PTPRU: variants seen among roughly 807,000 people sequenced by gnomAD.
PTPRU encodes the protein protein tyrosine phosphatase receptor type U.
Under a neutral mutation model 166.3 loss-of-function variants are expected in PTPRU, and 69 were observed. The ratio of observed to expected loss-of-function variants is 0.41; its 90% CI spans 0.34 to 0.51. The LOEUF is 0.51. PTPRU is among the 20% of genes least tolerant of loss of function. The pLI, the probability that PTPRU is intolerant of heterozygous loss-of-function variation, is 0.09. For missense variants in PTPRU, 1,657 were observed against 2,013.7 expected (o/e 0.82, Z 3.39); for synonymous variants, 793 against 814.0 (o/e 0.97, Z 0.44).
intron 1 of PTPRU, among the ~76,000 whole-genome samples, chr1:29,251,548 G>C (rs999663474): frequency 6.6e-6 from 1 of 152,226 alleles, no homozygotes; most frequent in Non-Finnish European, 1.5e-5. Context: ...ACTTGGATCA[G>C]TCTGGCTGGG....
rs958208749 is a variant in PTPRU, at chr1:29,290,480, T to C, written c.2319-1389T>C. On this transcript the variant is annotated intron_variant, in intron 14 of 29. Coordinates refer to ENST00000373779, the MANE Select transcript of PTPRU (RefSeq NM_133178.4). Reference sequence around the variant, plus strand: ...TGCTACTCTGTCTTCTCTCTCTGTCTTCTACTCTGCAAGCCTTCTGGAACA... The same window carrying C: ...TGCTACTCTGTCTTCTCTCTCTGTCCTCTACTCTGCAAGCCTTCTGGAACA... 2.0e-5 allele frequency among the ~76,000 whole-genome samples: 3 copies of C among 152,200 alleles called. No individual in the cohort carries two copies. The East Asian group carries it at 5.8e-4, about 29-fold the overall frequency.
chr1:29,318,936 G>A (rs1688023778), intron 25 of PTPRU, among the ~76,000 whole-genome samples: 1 of 152,260 alleles, frequency 6.6e-6, no homozygotes, highest in South Asian at 2.1e-4. Flanking sequence ...GGTTAAGAGG[G>A]AGATGGGCTT....
chr1:29,316,437 C>G (rs1687904306), intron 24 of PTPRU, among the ~76,000 whole-genome samples: 2 of 152,210 alleles, frequency 1.3e-5, no homozygotes, highest in African/African-American at 4.8e-5. Context: ...CTTTACCTCT[C>G]TGAGCCTCAG....
intron 7 of PTPRU, among the ~76,000 whole-genome samples, chr1:29,263,026 C>T (rs1029628749): frequency 6.6e-6 from 1 of 152,120 alleles, no homozygotes; most frequent in African/African-American, 2.4e-5. Flanking sequence ...CACTCTGTCG[C>T]CAGGCTGGAG....
chr1:29,275,760 A>G lies in PTPRU; in HGVS notation c.1453+4A>G. The stretch of plus-strand genomic sequence containing the variant: ...ACTTTCCAGACGGATGAGGATGGTA[A>G]GAGTCTCAGTCCCAATTCCCGGGGC... On this transcript the variant is annotated splice_donor_region_variant and intron_variant, in intron 8 of 29. Coordinates refer to ENST00000373779, the MANE Select transcript of PTPRU (RefSeq NM_133178.4). 3 of 1,612,752 alleles carry G rather than the reference A, an allele frequency of 1.9e-6. No individual in the cohort carries two copies. Among genetic ancestry groups the G allele is most frequent in the East Asian group, 4.5e-5 (2 of 44,856 alleles).
intron 28 of PTPRU, among the ~76,000 whole-genome samples, chr1:29,324,434 C>A (rs1301809581): frequency 6.6e-6 from 1 of 152,184 alleles, no homozygotes; most frequent in East Asian, 1.9e-4. Flanking sequence ...AGGCACCCCA[C>A]ACGTGGAGTC....
intron 7 of PTPRU, among the ~76,000 whole-genome samples, chr1:29,264,688 T>G (rs1332037404): frequency 6.6e-6 from 1 of 152,130 alleles, no homozygotes; most frequent in Non-Finnish European, 1.5e-5. Flanking sequence ...ATATTTTTGG[T>G]AGAGACAGGG....
rs1035267664 is a variant in PTPRU, at chr1:29,260,224, T to G, written c.850+180T>G. 4.2e-6 allele frequency: 3 copies of G among 716,002 alleles called. No homozygotes were observed. The highest frequency in any genetic ancestry group is 6.1e-6 in the Non-Finnish European group (3 of 489,824). The allele number at this position is 716,002 out of a possible 1,614,324, so 44.4% of individuals were successfully genotyped here. On this transcript the variant is annotated intron_variant, in intron 6 of 29. Transcript: ENST00000373779. This position sits in a 1 kb window ranked among gnomAD's most constrained non-coding sequence, Gnocchi z 8.3. ...GTGGCCCAGCCGGGATGAGATCTGA[T>G]CTAGGGGTCGGGGCTGGCTTCGAGG...
rs1383946212 is a variant in PTPRU at position 29,236,734 on chromosome 1, C to G, written c.73+17C>G. The G allele has an allele frequency of 5.0e-6, 7 of 1,413,782 alleles. No homozygotes were observed. Among genetic ancestry groups the G allele is most frequent in the East Asian group, 2.9e-5 (1 of 34,518 alleles). The allele number at this position is 1,413,782 out of a possible 1,614,324, so 87.6% of individuals were successfully genotyped here. ...CTCCGGCAGGTAAGCGCGCGGCGGCCGGACCGAGCCTGCCCCGCCGAGCCT... is the reference window on the plus strand; with the variant it reads ...CTCCGGCAGGTAAGCGCGCGGCGGCGGGACCGAGCCTGCCCCGCCGAGCCT... On this transcript the variant is annotated intron_variant, in intron 1 of 29. Transcript: ENST00000373779. The surrounding 1 kb of genome is among the most constrained non-coding windows in gnomAD (Gnocchi z 4.6).
chr1:29,260,160 G>T lies in PTPRU; in HGVS notation c.850+116G>T. 1 of 1,146,400 alleles carries T rather than the reference G, an allele frequency of 8.7e-7. No individual in the cohort carries two copies. Among genetic ancestry groups the T allele is most frequent in the Non-Finnish European group, 1.1e-6 (1 of 880,478 alleles). The allele number at this position is 1,146,400 out of a possible 1,614,324, so 71.0% of individuals were successfully genotyped here. ...TGGGGGGTGGGGCCGGCAGGGTGTCGCTGGGGCGCTATCTGAAGATGGGCC... is the reference window on the plus strand; with the variant it reads ...TGGGGGGTGGGGCCGGCAGGGTGTCTCTGGGGCGCTATCTGAAGATGGGCC... On this transcript the variant is annotated intron_variant, in intron 6 of 29. Coordinates refer to ENST00000373779, the MANE Select transcript of PTPRU (RefSeq NM_133178.4). This position sits in a 1 kb window ranked among gnomAD's most constrained non-coding sequence, Gnocchi z 8.3.
chr1:29,298,305 G>A (rs1686984742), intron 15 of PTPRU, among the ~76,000 whole-genome samples: 1 of 151,700 alleles, frequency 6.6e-6, no homozygotes, highest in Non-Finnish European at 1.5e-5. Flanking sequence ...ACGTGTCCAG[G>A]AGATGAGCTG....
At chr1:29,324,671 C>G (rs1387919431) in intron 28 of PTPRU, among the ~76,000 whole-genome samples, 1 of 152,166 alleles carries the variant, frequency 6.6e-6, no homozygotes, top group Non-Finnish European at 1.5e-5. Flanking sequence ...GTGTGTCTGG[C>G]CTCCTTTCTC....
Position 29,303,718 on chromosome 1 carries a change from C to G in PTPRU, c.2477-137C>G. On this transcript the variant is annotated intron_variant, in intron 15 of 29. Transcript: ENST00000373779. ...ACCACACAGGGTGGGCCTGGCTAGG[C>G]TGCTTGGCTCCAGCCAACAACCCAG... 2.2e-6 allele frequency: 2 copies of G among 889,174 alleles called. 1 individual carries two copies. The highest frequency in any genetic ancestry group is 3.7e-5 in the South Asian group (2 of 54,348). The allele number at this position is 889,174 out of a possible 1,614,324, so 55.1% of individuals were successfully genotyped here. A position where few individuals can be genotyped will look rare whatever the true frequency, so the allele number is the denominator to read the frequency against.
At chr1:29,283,212 A>C (rs1574659640) in intron 12 of PTPRU, among the ~76,000 whole-genome samples, 1 of 41,516 alleles carries the variant, frequency 2.4e-5, no homozygotes, top group Non-Finnish European at 4.7e-5. Flanking sequence ...CCTTTTGCCC[A>C]CCTCCCATTG....
chr1:29,313,800 A>C (rs1343451958), intron 22 of PTPRU, among the ~76,000 whole-genome samples: 1 of 152,122 alleles, frequency 6.6e-6, no homozygotes, highest in African/African-American at 2.4e-5. Context: ...GGTTACAGTA[A>C]ACTGTAATTG....
rs1414470122 is a variant in PTPRU, at chr1:29,257,656, A to G, written c.206-849A>G. 6.6e-6 allele frequency among the ~76,000 whole-genome samples: 1 copy of G among 152,216 alleles called. No individual in the cohort carries two copies. Among genetic ancestry groups the G allele is most frequent in the Non-Finnish European group, 1.5e-5 (1 of 68,040 alleles). ...TTTAGACTCAGGGATGGGGGCTGGA[A>G]GGGAAGTTGGAATCCTTTCATTCAA... On this transcript the variant is annotated intron_variant, in intron 2 of 29. Coordinates refer to ENST00000373779, the MANE Select transcript of PTPRU (RefSeq NM_133178.4). The surrounding 1 kb of genome is among the most constrained non-coding windows in gnomAD (Gnocchi z 4.6).
At chr1:29,313,085 T>C (rs1687742886) in intron 22 of PTPRU, among the ~76,000 whole-genome samples, 1 of 152,218 alleles carries the variant, frequency 6.6e-6, no homozygotes, top group Admixed American at 6.5e-5. Flanking sequence ...TTCACTTCTC[T>C]CCACCAAACC....
chr1:29,306,991 G>GCCCT, intron 18 of PTPRU: 1 of 855,028 alleles, frequency 1.2e-6, no homozygotes, highest in Non-Finnish European at 1.8e-6. Context: ...AGCCCAGCCC[G>GCCCT]GCCTGCCCGT....
At chr1:29,324,700 T>C (rs1688321805) in intron 28 of PTPRU, among the ~76,000 whole-genome samples, 1 of 152,226 alleles carries the variant, frequency 6.6e-6, no homozygotes, top group Non-Finnish European at 1.5e-5. Context: ...CGCAGTCTGT[T>C]TCGCCTTGAG....
Sources: allele counts gnomAD v4.1 joint callset (sites outside exome capture counted in the v4.1 genomes callset), GRCh38; gene constraint gnomAD v4.1.1; non-coding constraint Gnocchi (gnomAD v3.1); transcripts MANE v1.5; gene names NCBI Gene and HGNC (gene_info 2026-07-23, HGNC 2026-07-21).